Variants in CDH13 observed in about 807,000 individuals in gnomAD.
The protein encoded by CDH13 is cadherin 13, also known as cadherin-13.
Under a neutral mutation model 63.8 loss-of-function variants are expected in CDH13, and 24 were observed. The observed-to-expected ratio is 0.38, with a 90% CI of 0.27 to 0.53. CDH13 has a LOEUF of 0.53. CDH13 is among the 20% of genes least tolerant of loss of function. CDH13 has a pLI of 0.85. For synonymous variants in CDH13, 503 were observed against 355.3 expected (o/e 1.42, Z -4.67); for missense variants, 1,049 against 903.1 (o/e 1.16, Z -2.07).
At chr16:82,982,683 A>T (rs1353835395) in intron 2 of CDH13, among the ~76,000 whole-genome samples, 3 of 152,152 alleles carry the variant, frequency 2.0e-5, no homozygotes, top group African/African-American at 7.2e-5. Context: ...TTTTGCACCA[A>T]CCTAGTAGTT....
intron 5 of CDH13, among the ~76,000 whole-genome samples, chr16:83,218,566 G>A (rs1401309617): frequency 1.3e-5 from 2 of 152,138 alleles, no homozygotes; most frequent in African/African-American, 2.4e-5. Flanking sequence ...GCAGCTATTG[G>A]GGTCCAGCTC....
intron 1 of CDH13, among the ~76,000 whole-genome samples, chr16:82,640,280 G>A (rs765629026): frequency 3.9e-5 from 6 of 152,144 alleles, no homozygotes; most frequent in Non-Finnish European, 8.8e-5. Flanking sequence ...GTTTGTGAAA[G>A]GAAGTTAGTA....
chr16:82,749,259 C>T (rs921902300), intron 1 of CDH13, among the ~76,000 whole-genome samples: 1 of 152,126 alleles, frequency 6.6e-6, no homozygotes, highest in African/African-American at 2.4e-5. Flanking sequence ...GTACCTAAAG[C>T]CCATACCTTG....
intron 5 of CDH13, among the ~76,000 whole-genome samples, chr16:83,262,239 A>C (rs1301711174): frequency 1.3e-5 from 2 of 152,098 alleles, no homozygotes; most frequent in Admixed American, 6.5e-5. Flanking sequence ...CTGTAAGTAT[A>C]ATTTCCCCAG....
chr16:82,945,764 TA>T (rs1366287125), intron 2 of CDH13, among the ~76,000 whole-genome samples: 2 of 152,190 alleles, frequency 1.3e-5, no homozygotes, highest in Non-Finnish European at 2.9e-5. Flanking sequence ...GGCGTTTTGA[TA>T]GGCCAAAAGT....
chr16:83,676,984 G>A (rs1261413831), intron 9 of CDH13, among the ~76,000 whole-genome samples: 1 of 152,192 alleles, frequency 6.6e-6, no homozygotes, highest in African/African-American at 2.4e-5. Context: ...TTAGTTGAGT[G>A]TAAATCAAAT....
At chr16:83,383,952 A>C (rs192017471) in intron 6 of CDH13, among the ~76,000 whole-genome samples, 1 of 152,324 alleles carries the variant, frequency 6.6e-6, no homozygotes, top group African/African-American at 2.4e-5. Flanking sequence ...ACACACATAT[A>C]CATACACATA....
chr16:82,840,188 C>T (rs371683448), intron 1 of CDH13, among the ~76,000 whole-genome samples: 4 of 151,966 alleles, frequency 2.6e-5, no homozygotes, highest in African/African-American at 9.7e-5. Context: ...TCAGATACAC[C>T]GATTTTGTTT....
In CDH13 at chr16:82,919,010, G is replaced by A. The variant is rs558769400; in HGVS notation, c.157+60537G>A. Among the ~76,000 whole-genome samples the A allele has an allele frequency of 3.3e-5, 5 of 152,002 alleles. No homozygotes were observed. The East Asian group carries it at 7.7e-4, about 24-fold the overall frequency. ...TTTAACTTTTTTCATGTATTTATTG[G>A]CCATTTACATTTCTTTAGTAAAATA... On this transcript the variant is annotated intron_variant, in intron 2 of 13. Coordinates refer to ENST00000567109, the MANE Select transcript of CDH13 (RefSeq NM_001257.5).
intron 2 of CDH13, among the ~76,000 whole-genome samples, chr16:82,970,835 G>A (rs560037125): frequency 1.3e-5 from 2 of 152,200 alleles, no homozygotes; most frequent in Admixed American, 1.3e-4. Flanking sequence ...ATAATGACTT[G>A]TTTTACCTTT....
At chr16:82,862,169 G>T (rs1273746566) in intron 2 of CDH13, among the ~76,000 whole-genome samples, 1 of 152,030 alleles carries the variant, frequency 6.6e-6, no homozygotes, top group East Asian at 1.9e-4. Context: ...CCCCAAACAC[G>T]ACAATTGTGT....
chr16:83,082,255 T>C (rs549720074), intron 3 of CDH13, among the ~76,000 whole-genome samples: 115 of 152,228 alleles, frequency 7.6e-4, no homozygotes, highest in Admixed American at 3.1e-3. Flanking sequence ...ATGCAAAATG[T>C]ATTCATTGCA....
chr16:82,645,260 G>C (rs1232249665), intron 1 of CDH13, among the ~76,000 whole-genome samples: 1 of 152,164 alleles, frequency 6.6e-6, no homozygotes, highest in South Asian at 2.1e-4. Flanking sequence ...GCCTCTGGGG[G>C]CAGGCTCAGA....
chr16:83,630,418 T>C (rs889498889), intron 8 of CDH13, among the ~76,000 whole-genome samples: 1 of 152,154 alleles, frequency 6.6e-6, no homozygotes, highest in African/African-American at 2.4e-5. Context: ...TTATGCATTT[T>C]AGGGACACAT....
rs565795905 is a variant in CDH13, at chr16:83,451,440, A to G, written c.782-35037A>G. On this transcript the variant is annotated intron_variant, in intron 6 of 13. Coordinates refer to ENST00000567109, the MANE Select transcript of CDH13 (RefSeq NM_001257.5). Reference sequence around the variant, plus strand: ...TACCTCCCACCAGGTCCCATCCACAACCTGTGGCAATTGTGGGAGCTACAA... The same window carrying G: ...TACCTCCCACCAGGTCCCATCCACAGCCTGTGGCAATTGTGGGAGCTACAA... Among the ~76,000 whole-genome samples, 479 of 152,198 alleles carry G rather than the reference A, an allele frequency of 3.1e-3. 1 individual carries two copies. Among genetic ancestry groups the G allele is most frequent in the African/African-American group, 0.011 (453 of 41,536 alleles).
At chr16:83,019,851 A>AG (rs1915180998) in intron 2 of CDH13, among the ~76,000 whole-genome samples, 2 of 151,774 alleles carry the variant, frequency 1.3e-5, no homozygotes. Flanking sequence ...AAAAAAAAAA[A>AG]AAACAATAAA....
intron 2 of CDH13, among the ~76,000 whole-genome samples, chr16:82,967,643 A>G (rs1908048091): frequency 6.6e-6 from 1 of 150,754 alleles, no homozygotes; most frequent in Non-Finnish European, 1.5e-5. Context: ...CTGGAAAGCC[A>G]GGTCGGAGAA....
At chr16:82,893,794 C>T (rs2041160603) in intron 2 of CDH13, among the ~76,000 whole-genome samples, 2 of 152,160 alleles carry the variant, frequency 1.3e-5, no homozygotes, top group African/African-American at 4.8e-5. Context: ...AGCTACTCTT[C>T]CCACTCTGCA....
chr16:83,119,447 C>A (rs1008185654), intron 3 of CDH13, among the ~76,000 whole-genome samples: 1 of 152,118 alleles, frequency 6.6e-6, no homozygotes, highest in Non-Finnish European at 1.5e-5. Context: ...GCACTGGTAC[C>A]CCAAAATGCC....
Sources: allele counts gnomAD v4.1 joint callset (sites outside exome capture counted in the v4.1 genomes callset), GRCh38; gene constraint gnomAD v4.1.1; transcripts MANE v1.5; gene names NCBI Gene and HGNC (gene_info 2026-07-23, HGNC 2026-07-21).